KCNC4: variants seen among roughly 807,000 people sequenced by gnomAD.
KCNC4 encodes the protein potassium voltage-gated channel subfamily C member 4, also known as voltage-gated potassium channel KCNC4.
KCNC4 carries 23 observed loss-of-function variants against 42.8 expected under a neutral mutation model. That is an observed-to-expected ratio of 0.54 (90% CI 0.39 to 0.76). KCNC4 has a LOEUF of 0.76. KCNC4 is among the 30% of genes least tolerant of loss of function. The pLI is 0.00. For synonymous variants in KCNC4, 422 were observed against 393.5 expected, an observed-to-expected ratio of 1.07 and a Z score of -0.86; for missense variants, 751 against 898.2, an observed-to-expected ratio of 0.84 and a Z score of 2.10.
chr1:110,250,647 C>T (rs1158213500), downstream of KCNC4, among the ~76,000 whole-genome samples: 5 of 152,182 alleles, frequency 3.3e-5, no homozygotes, highest in Non-Finnish European at 7.4e-5. Context: ...AGTTTTGAGA[C>T]CTTCAGCACA....
chr1:110,231,824 C>T (rs1377005322), intron 3 of KCNC4, among the ~76,000 whole-genome samples: 2 of 142,596 alleles, frequency 1.4e-5, no homozygotes, highest in African/African-American at 5.8e-5. Flanking sequence ...CTGGGGCATA[C>T]AGTCTTAAGA....
intron 1 of KCNC4, among the ~76,000 whole-genome samples, chr1:110,277,949 G>C (rs1193933436): frequency 1.3e-5 from 2 of 152,180 alleles, no homozygotes; most frequent in Non-Finnish European, 2.9e-5. Context: ...CGGAGTTTGA[G>C]AGCAGCCTGC....
At chr1:110,212,313 A>G (rs1226495357) in intron 1 of KCNC4, 136 bp downstream of exon 1, 33 of 936,928 alleles carry the variant, frequency 3.5e-5, no homozygotes, top group Non-Finnish European at 4.0e-5. Context: ...CTTCCTCTCA[A>G]CCCCCCTCCG....
chr1:110,221,064 G>A (rs1460872131), intron 1 of KCNC4: 1 of 152,232 alleles, frequency 6.6e-6, no homozygotes, highest in African/African-American at 2.4e-5. Flanking sequence ...AGTGAGGTGT[G>A]TGATGGGGGA....
rs55839432 is a variant in KCNC4 at position 110,281,555 on chromosome 1, A to AACACACACACACACACACACACAC, written n.31-967_31-944dup. 4.4e-4 allele frequency among the ~76,000 whole-genome samples: 62 copies of AACACACACACACACACACACACAC among 140,438 alleles called. 1 individual carries two copies. The highest frequency in any genetic ancestry group is 3.8e-3 in the Middle Eastern group (1 of 266). 92.1% of individuals were successfully genotyped at this position (140,438 alleles called of 152,430 possible). ...TTATCTGACTCCCCACATATGTAAA[A>AACACACACACACACACACACACAC]ACACACACACACACACACACACACA... On this transcript the variant is annotated intron_variant and non_coding_transcript_variant, in intron 1 of 2. Coordinates refer to the KCNC4 transcript ENST00000412512.
At chr1:110,271,347 C>T (rs1018891697) in intron 1 of KCNC4, among the ~76,000 whole-genome samples, 2 of 152,124 alleles carry the variant, frequency 1.3e-5, no homozygotes, top group African/African-American at 4.8e-5. Flanking sequence ...AGATCTGAAG[C>T]TTAGGGTGGG....
In KCNC4 at chr1:110,210,679, C is replaced by T. The variant is rs911467462; in HGVS notation, c.-821C>T. 2.6e-5 allele frequency among the ~76,000 whole-genome samples: 4 copies of T among 151,170 alleles called. No individual in the cohort carries two copies. Among genetic ancestry groups the T allele is most frequent in the Non-Finnish European group, 5.9e-5 (4 of 67,694 alleles). ...AGGCTCGGCGCCGCGCAGGACGCCC[C>T]GTCTGAGGCACCCCCGCCCCAGCGC... On this transcript the variant is annotated 5_prime_UTR_variant, in exon 1 of 4. Coordinates refer to ENST00000438661, the MANE Select transcript of KCNC4 (RefSeq NM_001039574.3).
chr1:110,224,061 C>T (rs1658265031), intron 2 of KCNC4, 161 bp downstream of exon 2: 1 of 629,198 alleles, frequency 1.6e-6, no homozygotes, highest in Non-Finnish European at 2.8e-6. Context: ...CCGAATTTCT[C>T]TGTCCTCTGG....
In KCNC4 at chr1:110,260,438, C is replaced by T. The variant is rs114050180; in HGVS notation, n.31-22096C>T. Among the ~76,000 whole-genome samples the T allele has an allele frequency of 6.0e-3, 910 of 152,304 alleles. 10 individuals are homozygous for T. Among genetic ancestry groups the T allele is most frequent in the African/African-American group, 0.021 (852 of 41,556 alleles). On this transcript the variant is annotated intron_variant and non_coding_transcript_variant, in intron 1 of 2. Transcript: ENST00000412512. ...CAATCAACCAACATCTTTTCAAATGCCTACCATGTGTCTATATAACTTTCA... is the reference window on the plus strand; with the variant it reads ...CAATCAACCAACATCTTTTCAAATGTCTACCATGTGTCTATATAACTTTCA...
downstream of KCNC4, among the ~76,000 whole-genome samples, chr1:110,252,175 C>T (rs117887921): frequency 1.2e-3 from 180 of 152,292 alleles, 4 homozygotes; most frequent in East Asian, 0.033. Flanking sequence ...GGCATTGGCA[C>T]GGGCAGCTTG....
exon 4 of KCNC4, chr1:110,240,243 G>T (rs1424752832): frequency 6.6e-6 from 1 of 152,408 alleles, no homozygotes; most frequent in Non-Finnish European, 1.5e-5. Flanking sequence ...GGACAGCAGG[G>T]TTCCTCCAGC....
chr1:110,248,731 A>C (rs1659200471), exon 4 of KCNC4: 1 of 152,244 alleles, frequency 6.6e-6, no homozygotes, highest in South Asian at 2.1e-4. Flanking sequence ...ATACTTTGAC[A>C]TATCTCTGTC....
intron 3 of KCNC4, chr1:110,232,599 T>C (rs1571057691): frequency 2.8e-6 from 4 of 1,439,008 alleles, no homozygotes; most frequent in East Asian, 2.5e-5. Context: ...CCTGAACAGG[T>C]ATGGCGATGA....
intron 1 of KCNC4, among the ~76,000 whole-genome samples, chr1:110,265,199 C>T (rs183650895): frequency 3.6e-4 from 54 of 151,864 alleles, no homozygotes; most frequent in Middle Eastern, 3.4e-3. Context: ...CTGTCCCTTC[C>T]CCCACACTCT....
Position 110,233,117 on chromosome 1 carries a change from C to T in KCNC4, c.*145C>T. ...GACTGGTGGAAAATCTCCCATGCGA[C>T]CCTCGGGGCCCAGAGCCATCTGGGT... On this transcript the variant is annotated 3_prime_UTR_variant, in exon 4 of 4. Coordinates refer to ENST00000438661, the MANE Select transcript of KCNC4 (RefSeq NM_001039574.3). 1 of 997,066 alleles carries T rather than the reference C, an allele frequency of 1.0e-6. No homozygotes were observed. Among genetic ancestry groups the T allele is most frequent in the Non-Finnish European group, 1.5e-6 (1 of 674,486 alleles). 61.8% of individuals were successfully genotyped at this position (997,066 alleles called of 1,614,324 possible).
chr1:110,255,445 T>TA (rs1002295480), intron 1 of KCNC4, among the ~76,000 whole-genome samples: 2 of 152,164 alleles, frequency 1.3e-5, no homozygotes, highest in Non-Finnish European at 2.9e-5. Flanking sequence ...ATTAGCAGGT[T>TA]AGAGTCAGCA....
chr1:110,215,578 A>G (rs1657753944), intron 1 of KCNC4, among the ~76,000 whole-genome samples: 1 of 152,184 alleles, frequency 6.6e-6, no homozygotes, highest in Admixed American at 6.5e-5. Flanking sequence ...CTTTGGCTAA[A>G]TCAGCACATT....
chr1:110,268,624 A>AAAAAAG (rs1553218082), intron 1 of KCNC4, among the ~76,000 whole-genome samples: 2 of 147,272 alleles, frequency 1.4e-5, no homozygotes, highest in African/African-American at 5.1e-5. Context: ...AAAAAAAAAA[A>AAAAAAG]AAAGAAAAGA....
intron 1 of KCNC4, among the ~76,000 whole-genome samples, chr1:110,217,818 C>T (rs1353338263): frequency 6.6e-6 from 1 of 152,156 alleles, no homozygotes; most frequent in African/African-American, 2.4e-5. Context: ...AGTGCGGGCC[C>T]TCAACCAGGA....
Sources: allele counts gnomAD v4.1 joint callset (sites outside exome capture counted in the v4.1 genomes callset), GRCh38; gene constraint gnomAD v4.1.1; transcripts MANE v1.5; gene names NCBI Gene and HGNC (gene_info 2026-07-23, HGNC 2026-07-21).